SPECC1: variants seen among roughly 807,000 people sequenced by gnomAD.
SPECC1 encodes cytospin-B.
In SPECC1, 62 loss-of-function variants were observed where a neutral mutation model predicts 104.1. The ratio of observed to expected loss-of-function variants is 0.60; its 90% CI spans 0.49 to 0.74. The LOEUF (loss-of-function observed/expected upper bound fraction) is 0.74. SPECC1 is among the 30% of genes least tolerant of loss of function. The pLI, the probability that SPECC1 is intolerant of heterozygous loss-of-function variation, is 0.00. For missense variants in SPECC1, 1,306 were observed against 1,310.5 expected (o/e 1.00, Z 0.05); for synonymous variants, 513 against 501.6 (o/e 1.02, Z -0.30).
intron 3 of SPECC1, among the ~76,000 whole-genome samples, chr17:20,150,804 T>G (rs2031936536): frequency 6.6e-6 from 1 of 152,160 alleles, no homozygotes; most frequent in Admixed American, 6.5e-5. Flanking sequence ...AGACAGATAT[T>G]TGGTATAGAA....
intron 1 of SPECC1, among the ~76,000 whole-genome samples, chr17:20,021,736 C>CTG (rs1424377702): frequency 1.4e-5 from 2 of 145,930 alleles, no homozygotes; most frequent in African/African-American, 2.5e-5. Flanking sequence ...CCGGGTTTCA[C>CTG]TGTGTCGGCC....
At position 20,257,530 on chromosome 17, in the gene SPECC1, A is replaced by AC; in HGVS notation, c.2765dup (p.Ser923ValfsTer61). 2 of 1,613,204 alleles carry AC rather than the reference A, an allele frequency of 1.2e-6. No homozygotes were observed. The highest frequency in any genetic ancestry group is 1.7e-6 in the Non-Finnish European group (2 of 1,179,816). On this transcript the variant is annotated frameshift_variant, in exon 11 of 15. Transcript: ENST00000395527. LOFTEE classifies it high-confidence loss of function. ...GTCCCTCACTAGAGTCACTGAGCAG[A>AC]CCCCCGTCTCTGGGCTTTGGGGACA...
chr17:20,253,529 C>T lies in SPECC1; in HGVS notation c.2623C>T (p.Arg875Trp), dbSNP rs146501543. 59 of 1,613,970 alleles carry T rather than the reference C, an allele frequency of 3.7e-5. No individual in the cohort carries two copies. The highest frequency in any genetic ancestry group is 1.7e-4 in the Middle Eastern group (1 of 5,930). The change falls in exon 10 of 15, where the codon CGG becomes TGG. Residue 875 changes from arginine (R) to tryptophan (W), a missense_variant. Coordinates refer to ENST00000395527, the MANE Select transcript of SPECC1 (RefSeq NM_001243439.2). The stretch of plus-strand genomic sequence containing the variant: ...GAGGCATTCGACTTACAGCAGTGTG[C>T]GGCCAGCCAGCAGAGGGGTGACTCA... ...MQRHSTYSSVRPASRGVTQRL... is the reference protein window; with the variant it reads ...MQRHSTYSSVWPASRGVTQRL...
chr17:20,231,744 T>G lies in SPECC1; in HGVS notation c.2072-14T>G. 3.1e-6 allele frequency: 5 copies of G among 1,613,496 alleles called. No individual in the cohort carries two copies. Among genetic ancestry groups the G allele is most frequent in the Non-Finnish European group, 4.2e-6 (5 of 1,179,488 alleles). ...ACAGCTTTTCTAAGCCCTGTCTGAA[T>G]TATTTATTTCTAGGTAGTGTGATCA... is the stretch of plus-strand genomic sequence containing the variant. On this transcript the variant is annotated splice_polypyrimidine_tract_variant and intron_variant, in intron 5 of 14. Transcript: ENST00000395527.
intron 3 of SPECC1, among the ~76,000 whole-genome samples, chr17:20,141,982 T>A (rs2030859697): frequency 6.6e-6 from 1 of 152,236 alleles, no homozygotes; most frequent in Non-Finnish European, 1.5e-5. Flanking sequence ...TTAAGAAAAC[T>A]GAGCTTTTTC....
intron 4 of SPECC1, among the ~76,000 whole-genome samples, 174 bp from the exon 5 acceptor site, chr17:20,227,239 G>A (rs574695477): frequency 3.7e-4 from 57 of 152,336 alleles, no homozygotes; most frequent in African/African-American, 1.3e-3. Flanking sequence ...CCGTGAGCCT[G>A]CTGCTGACTT....
rs371939616 is a variant in SPECC1, at chr17:20,096,752, G to C, written c.101G>C (p.Ser34Thr). 1 of 1,614,176 alleles carries C rather than the reference G, an allele frequency of 6.2e-7. No individual in the cohort carries two copies. The highest frequency in any genetic ancestry group is 1.1e-5 in the South Asian group (1 of 91,088). ...PLPAASSGMK[S>T]SKSSTSLAFE... ...CCTGCAGCCTCTTCCGGCATGAAGA[G>C]TTCTAAGTCTTCAACTTCCTTGGCT... Residue 34 changes from serine to threonine, a missense_variant, in exon 2 of 15, where the codon AGT becomes ACT. Around this residue, in one of 2 missense-constraint regions of SPECC1, gnomAD observed 1,177 missense variants for 1,139.9 expected, o/e 1.03. Coordinates refer to ENST00000395527, the MANE Select transcript of SPECC1 (RefSeq NM_001243439.2).
At chr17:20,177,894 G>A (rs1025131245) in intron 3 of SPECC1, among the ~76,000 whole-genome samples, 1 of 151,292 alleles carries the variant, frequency 6.6e-6, no homozygotes, top group Admixed American at 6.6e-5. Flanking sequence ...ATTTTTACTA[G>A]AGACGGGGTT....
intron 7 of SPECC1, among the ~76,000 whole-genome samples, chr17:20,242,757 G>A (rs1174373304): frequency 6.6e-6 from 1 of 152,174 alleles, no homozygotes; most frequent in African/African-American, 2.4e-5. Flanking sequence ...CATGAATCAT[G>A]TGACCATGGT....
chr17:20,147,766 A>G (rs1248284664), intron 3 of SPECC1, among the ~76,000 whole-genome samples: 1 of 152,216 alleles, frequency 6.6e-6, no homozygotes, highest in East Asian at 1.9e-4. Flanking sequence ...ACAGGGTGCA[A>G]TGGCTCATGC....
At chr17:20,309,255 CCAGTCAGAAGTGACAG>C (rs1324765313) in intron 14 of SPECC1, among the ~76,000 whole-genome samples, 2 of 152,212 alleles carry the variant, frequency 1.3e-5, no homozygotes, top group East Asian at 3.9e-4. Flanking sequence ...AAAACTACAC[CCAGTCAGAAGTGACAG>C]CAGTAATCCC....
intron 3 of SPECC1, among the ~76,000 whole-genome samples, chr17:20,121,310 T>C (rs1383752440): frequency 5.3e-5 from 8 of 152,226 alleles, no homozygotes; most frequent in Admixed American, 5.2e-4. Flanking sequence ...TAATTGGTTT[T>C]ATTTCATTAA....
intron 8 of SPECC1, among the ~76,000 whole-genome samples, chr17:20,246,855 A>G (rs1263849384): frequency 6.6e-6 from 1 of 152,224 alleles, no homozygotes; most frequent in African/African-American, 2.4e-5. Context: ...CCTAAATTAG[A>G]TTAAGACTAG....
At position 20,020,628 on chromosome 17, in the gene SPECC1, G is replaced by A. The variant is rs541421446; in HGVS notation, c.-22+11204G>A. On this transcript the variant is annotated intron_variant, in intron 1 of 14. Coordinates refer to ENST00000395527, the MANE Select transcript of SPECC1 (RefSeq NM_001243439.2). ...ATTACAGGCGTGAGCCTCCACGCCT[G>A]GCCCTCCCTTTCCTTGGTTTTAGAC... 1.4e-4 allele frequency among the ~76,000 whole-genome samples: 21 copies of A among 152,258 alleles called. No individual in the cohort carries two copies. The South Asian group carries it at 4.4e-3, about 32-fold the overall frequency.
At chr17:20,178,857 A>C (rs1311983322) in intron 3 of SPECC1, among the ~76,000 whole-genome samples, 1 of 152,212 alleles carries the variant, frequency 6.6e-6, no homozygotes, top group East Asian at 1.9e-4. Context: ...GGACTCATGG[A>C]ATTCTTTTTT....
At chr17:20,292,321 C>T (rs1322312780) in intron 12 of SPECC1, among the ~76,000 whole-genome samples, 1 of 151,794 alleles carries the variant, frequency 6.6e-6, no homozygotes, top group African/African-American at 2.4e-5. Context: ...CCCACCACCG[C>T]CTGTTTTTTC....
intron 7 of SPECC1, chr17:20,239,080 A>C: frequency 9.7e-7 from 1 of 1,032,788 alleles, no homozygotes; most frequent in Non-Finnish European, 1.2e-6. Context: ...CAGTTTCATT[A>C]GTAGAACAAA....
intron 13 of SPECC1, 197 bp from the exon 14 acceptor site, chr17:20,305,826 A>T (rs2041743697): frequency 2.1e-6 from 1 of 470,498 alleles, no homozygotes; most frequent in Non-Finnish European, 3.7e-6. Flanking sequence ...GTCAATCAGT[A>T]ATGTTAGTTT....
chr17:20,309,795 C>CTGGTTTTCT (rs2041875231), intron 14 of SPECC1, among the ~76,000 whole-genome samples: 1 of 146,022 alleles, frequency 6.8e-6, no homozygotes, highest in South Asian at 2.2e-4. Flanking sequence ...ATCCAGTCTA[C>CTGGTTTTCT]TGGTTTTCTT....
Sources: gnomAD v4.1 joint callset for allele counts (sites outside exome capture counted in the v4.1 genomes callset) on GRCh38, gnomAD v4.1.1 for gene constraint, gnomAD v4.1.1 regional missense constraint, MANE v1.5 for transcripts, NCBI Gene and HGNC (gene_info 2026-07-23, HGNC 2026-07-21) for gene names.